The following IL23R variants were observed in gnomAD, a reference collection of about 807,000 sequenced individuals.
IL23R encodes the protein interleukin 23 receptor.
IL23R carries 34 observed loss-of-function variants against 56.9 expected under a neutral mutation model. That is an observed-to-expected ratio of 0.60 (90% confidence interval 0.45 to 0.80). The LOEUF (loss-of-function observed/expected upper bound fraction) is 0.80. IL23R is among the 30% of genes least tolerant of loss of function. The probability of loss-of-function intolerance (pLI) is 0.00; values close to 1 mark genes in which losing one functional copy is unlikely to be tolerated. For missense variants in IL23R, 635 were observed against 730.0 expected, an observed-to-expected ratio of 0.87 and a Z score of 1.50; for synonymous variants, 230 against 249.2, an observed-to-expected ratio of 0.92 and a Z score of 0.73.
rs114841736 is a variant in IL23R, at chr1:67,206,917, T to A, written c.660T>A (p.Pro220=). The change falls in exon 6 of 11, where the codon CCT becomes CCA. Residue 220 remains proline (P), a synonymous_variant. Coordinates refer to ENST00000347310, the MANE Select transcript of IL23R (RefSeq NM_144701.3). Reference sequence around the variant, plus strand: ...TTTTTTTTTTTTTTCTAGTGATACCTTCTGCAGCCGTCATTTCCAGGGCTG... The same window carrying A: ...TTTTTTTTTTTTTTCTAGTGATACCATCTGCAGCCGTCATTTCCAGGGCTG... ...LQIHLDDIVI[P]SAAVISRAET... is the part of the protein sequence containing the mutation. The A allele has an allele frequency of 5.8e-4, 624 of 1,078,330 alleles. 6 individuals are homozygous for A. In the African/African-American group the frequency reaches 9.0e-3, roughly 16 times the overall value. 66.8% of individuals were successfully genotyped at this position (1,078,330 alleles called of 1,614,324 possible).
chr1:67,233,571 T>C (rs11804284), intron 7 of IL23R, among the ~76,000 whole-genome samples: 129,658 of 152,140 alleles, frequency 0.85, 55,505 homozygotes, highest in East Asian at 0.99. Flanking sequence ...ATAGTTGTTA[T>C]GCTTTAAATT....
chr1:67,192,314 A>T (rs182508704), intron 4 of IL23R, among the ~76,000 whole-genome samples: 66 of 152,294 alleles, frequency 4.3e-4, no homozygotes, highest in Admixed American at 2.1e-3. Flanking sequence ...AGGTTTTTAG[A>T]AAGTCCTTGG....
chr1:67,143,533 G>A (rs1646656242), intron 1 of IL23R, among the ~76,000 whole-genome samples: 1 of 152,202 alleles, frequency 6.6e-6, no homozygotes, highest in South Asian at 2.1e-4. Context: ...TGGAACTGAT[G>A]TAGAACACAG....
upstream of IL23R, chr1:67,166,417 C>T (rs1057498673): frequency 2.0e-5 from 3 of 152,274 alleles, no homozygotes; most frequent in Admixed American, 1.3e-4. Context: ...TTTCCATTGA[C>T]CTCAGAAGTG....
intron 1 of IL23R, among the ~76,000 whole-genome samples, chr1:67,151,216 C>A (rs531637424): frequency 1.3e-4 from 20 of 152,112 alleles, no homozygotes; most frequent in Non-Finnish European, 2.8e-4. Flanking sequence ...TGGTGATGTG[C>A]TTTTTTTCAT....
chr1:67,153,382 T>C (rs138254619), intron 1 of IL23R, among the ~76,000 whole-genome samples: 1 of 152,210 alleles, frequency 6.6e-6, no homozygotes, highest in African/African-American at 2.4e-5. Flanking sequence ...ATTTTGTTAA[T>C]TTTTCAGAAA....
upstream of IL23R, among the ~76,000 whole-genome samples, chr1:67,164,325 A>G (rs1328292768): frequency 6.6e-6 from 1 of 152,068 alleles, no homozygotes; most frequent in Non-Finnish European, 1.5e-5. Context: ...GTGAAACCCT[A>G]TCTCTACAAC....
At chr1:67,177,506 T>C (rs1428088733) in intron 3 of IL23R, among the ~76,000 whole-genome samples, 1 of 152,120 alleles carries the variant, frequency 6.6e-6, no homozygotes, top group Non-Finnish European at 1.5e-5. Flanking sequence ...TCTTTGTAGA[T>C]TCTGGATATT....
At chr1:67,231,696 T>C (rs1651108579) in intron 7 of IL23R, 1 of 152,166 alleles carries the variant, frequency 6.6e-6, no homozygotes, top group Non-Finnish European at 1.5e-5. Context: ...TTGAACAATT[T>C]TTAATAAAAT....
At chr1:67,155,669 G>A (rs926844137) in intron 1 of IL23R, among the ~76,000 whole-genome samples, 15 of 152,112 alleles carry the variant, frequency 9.9e-5, no homozygotes, top group Admixed American at 6.5e-5. Flanking sequence ...CTCTAAACTG[G>A]TTATCCTAGT....
At chr1:67,140,286 G>A (rs1646624427) in intron 1 of IL23R, among the ~76,000 whole-genome samples, 1 of 152,030 alleles carries the variant, frequency 6.6e-6, no homozygotes. Flanking sequence ...ATTTCTGTAT[G>A]TCAAAAAAAG....
intron 5 of IL23R, among the ~76,000 whole-genome samples, chr1:67,206,455 C>A (rs1649066605): frequency 6.6e-6 from 1 of 152,146 alleles, no homozygotes; most frequent in African/African-American, 2.4e-5. Context: ...GAATTTCAGG[C>A]ACACATCACC....
intron 7 of IL23R, among the ~76,000 whole-genome samples, chr1:67,228,043 C>CTCTT (rs796856714): frequency 0.017 from 650 of 38,998 alleles, 141 homozygotes; most frequent in African/African-American, 0.079. Flanking sequence ...TTCTTTCTTT[C>CTCTT]TCTTTCTTTC....
chr1:67,203,526 C>T (rs1349638974), intron 5 of IL23R, among the ~76,000 whole-genome samples: 1 of 152,096 alleles, frequency 6.6e-6, no homozygotes, highest in African/African-American at 2.4e-5. Flanking sequence ...CCTCTTCCTC[C>T]CCTTTTGTCT....
At chr1:67,256,395 G>A (rs1468108374) in intron 10 of IL23R, among the ~76,000 whole-genome samples, 1 of 152,174 alleles carries the variant, frequency 6.6e-6, no homozygotes, top group Non-Finnish European at 1.5e-5. Context: ...TGAGAGAACT[G>A]TGAACAATAG....
At chr1:67,146,842 C>T (rs948468345) in intron 1 of IL23R, among the ~76,000 whole-genome samples, 2 of 152,174 alleles carry the variant, frequency 1.3e-5, no homozygotes, top group African/African-American at 2.4e-5. Flanking sequence ...TATCTGCTAA[C>T]AGCTATACCC....
chr1:67,222,863 A>G (rs893479896), intron 7 of IL23R, among the ~76,000 whole-genome samples: 9 of 152,206 alleles, frequency 5.9e-5, no homozygotes, highest in African/African-American at 2.2e-4. Context: ...CATTTTCCCC[A>G]CCATCCCTCA....
At chr1:67,154,607 T>A (rs1308361534) in intron 1 of IL23R, among the ~76,000 whole-genome samples, 1 of 152,074 alleles carries the variant, frequency 6.6e-6, no homozygotes, top group Non-Finnish European at 1.5e-5. Context: ...TTTATTTTAT[T>A]ATTTATTTTT....
chr1:67,191,969 TA>T (rs35666001), intron 4 of IL23R, among the ~76,000 whole-genome samples: 84,792 of 151,900 alleles, frequency 0.56, 23,884 homozygotes, highest in South Asian at 0.66. Flanking sequence ...TTTGTCAGCC[TA>T]AAAAAAGACA....
Sources: gnomAD v4.1 joint callset for allele counts (sites outside exome capture counted in the v4.1 genomes callset) on GRCh38, gnomAD v4.1.1 for gene constraint, MANE v1.5 for transcripts, NCBI Gene and HGNC (gene_info 2026-07-23, HGNC 2026-07-21) for gene names.